The following PITPNC1 variants were observed in gnomAD, a reference collection of about 807,000 sequenced individuals.
PITPNC1 encodes the protein phosphatidylinositol transfer protein cytoplasmic 1.
PITPNC1 carries 18 observed loss-of-function variants against 44.7 expected under a neutral mutation model. That is an observed-to-expected ratio of 0.40 (90% CI 0.28 to 0.60). PITPNC1 has a LOEUF of 0.60. PITPNC1 is among the 20% of genes least tolerant of loss of function. The pLI is 0.39. For synonymous variants in PITPNC1, 141 were observed against 149.6 expected (o/e 0.94, Z 0.42); for missense variants, 290 against 418.4 (o/e 0.69, Z 2.68).
At chr17:67,522,657 A>ATTTTTTTTTT in intron 1 of PITPNC1, among the ~76,000 whole-genome samples, 1 of 59,968 alleles carries the variant, frequency 1.7e-5, no homozygotes, top group South Asian at 5.6e-4. Flanking sequence ...TACCATTTTA[A>ATTTTTTTTTT]TCTTTTTTTT....
intron 6 of PITPNC1, among the ~76,000 whole-genome samples, chr17:67,633,250 C>A (rs1012258898): frequency 2.0e-5 from 3 of 152,176 alleles, no homozygotes; most frequent in African/African-American, 7.2e-5. Context: ...CGTCCTTGAG[C>A]CGTAACACGT....
chr17:67,554,385 G>GAC (rs2040807985), intron 4 of PITPNC1, among the ~76,000 whole-genome samples: 5 of 149,902 alleles, frequency 3.3e-5, no homozygotes, highest in African/African-American at 1.2e-4. Context: ...AGCCTCCCAA[G>GAC]TAGCTGGGAT....
chr17:67,402,655 A>G (rs2038335559), intron 1 of PITPNC1, among the ~76,000 whole-genome samples: 2 of 152,128 alleles, frequency 1.3e-5, no homozygotes, highest in African/African-American at 4.8e-5. Context: ...GTTTGACCAC[A>G]TGTTTTTATT....
chr17:67,530,240 G>A (rs113374034), intron 1 of PITPNC1, among the ~76,000 whole-genome samples: 22 of 151,642 alleles, frequency 1.5e-4, no homozygotes, highest in Admixed American at 5.9e-4. Context: ...ACAGGCACCC[G>A]CCACCACACC....
intron 3 of PITPNC1, among the ~76,000 whole-genome samples, chr17:67,552,774 C>T (rs544035780): frequency 1.4e-4 from 21 of 145,184 alleles, no homozygotes; most frequent in African/African-American, 2.1e-4. Context: ...TGCCACTGCA[C>T]GCCAGCCTGG....
At chr17:67,547,663 T>C (rs532262330) in intron 2 of PITPNC1, among the ~76,000 whole-genome samples, 162 of 152,238 alleles carry the variant, frequency 1.1e-3, no homozygotes, top group Admixed American at 3.7e-3. Context: ...TGAGCATACA[T>C]TGCAATGTGA....
rs1160190460 is a variant in PITPNC1, at chr17:67,480,147, G to A, written c.49-52655G>A. Among the ~76,000 whole-genome samples, 3 of 152,138 alleles carry A rather than the reference G, an allele frequency of 2.0e-5. No homozygotes were observed. The East Asian group carries it at 5.8e-4, about 29-fold the overall frequency. On this transcript the variant is annotated intron_variant, in intron 1 of 8. Transcript: ENST00000581322. ...GGTCTGCCTGATACCACTGCTTAGG[G>A]AGTCATTGACCCATCCTGTTGCTGA...
At chr17:67,641,600 C>T (rs1049826987) in intron 6 of PITPNC1, among the ~76,000 whole-genome samples, 1 of 151,884 alleles carries the variant, frequency 6.6e-6, no homozygotes, top group Non-Finnish European at 1.5e-5. Flanking sequence ...AGTTCCAGAC[C>T]CACCTAGGCA....
chr17:67,456,720 G>C (rs1461026832), intron 1 of PITPNC1, among the ~76,000 whole-genome samples: 3 of 151,180 alleles, frequency 2.0e-5, no homozygotes, highest in Non-Finnish European at 4.4e-5. Context: ...TTGTTGTTTT[G>C]TGCAGCCCAA....
At chr17:67,486,487 T>G (rs900159059) in intron 1 of PITPNC1, among the ~76,000 whole-genome samples, 1 of 152,160 alleles carries the variant, frequency 6.6e-6, no homozygotes, top group African/African-American at 2.4e-5. Context: ...ATGGCATTGA[T>G]CGGAGATGGT....
intron 1 of PITPNC1, among the ~76,000 whole-genome samples, chr17:67,530,879 G>A (rs974792786): frequency 1.2e-4 from 19 of 152,108 alleles, no homozygotes; most frequent in African/African-American, 3.1e-4. Flanking sequence ...TAGCCTTTAC[G>A]AGCAAAAGTC....
At chr17:67,512,325 C>T (rs1303795368) in intron 1 of PITPNC1, among the ~76,000 whole-genome samples, 1 of 152,078 alleles carries the variant, frequency 6.6e-6, no homozygotes, top group African/African-American at 2.4e-5. Context: ...CAGGGTGAAA[C>T]CCCGTCTCTA....
chr17:67,636,774 C>A (rs1292495779), intron 6 of PITPNC1, among the ~76,000 whole-genome samples: 1 of 152,102 alleles, frequency 6.6e-6, no homozygotes, highest in African/African-American at 2.4e-5. Context: ...GTAAACACAC[C>A]AGGGACTGGG....
At chr17:67,646,018 T>C (rs537680705) in intron 6 of PITPNC1, among the ~76,000 whole-genome samples, 1 of 152,104 alleles carries the variant, frequency 6.6e-6, no homozygotes, top group African/African-American at 2.4e-5. Flanking sequence ...CCAGCTACTC[T>C]GGAAGCTGAG....
intron 6 of PITPNC1, among the ~76,000 whole-genome samples, chr17:67,648,457 TATTAAGGTG>T (rs2042175479): frequency 6.6e-6 from 1 of 152,228 alleles, no homozygotes; most frequent in Non-Finnish European, 1.5e-5. Flanking sequence ...CTGTCTCATG[TATTAAGGTG>T]GGGTCCTCTC....
intron 2 of PITPNC1, among the ~76,000 whole-genome samples, chr17:67,549,112 C>T (rs979081714): frequency 3.3e-5 from 5 of 152,260 alleles, no homozygotes; most frequent in South Asian, 4.1e-4. Flanking sequence ...AAATACCTCT[C>T]GCGTCTGGCC....
intron 1 of PITPNC1, among the ~76,000 whole-genome samples, chr17:67,493,130 T>C (rs1416638974): frequency 6.6e-6 from 1 of 152,200 alleles, no homozygotes; most frequent in African/African-American, 2.4e-5. Context: ...AAATGGAGAA[T>C]CCAATGGTAG....
chr17:67,640,038 C>A (rs969474040), intron 6 of PITPNC1, among the ~76,000 whole-genome samples: 1 of 151,876 alleles, frequency 6.6e-6, no homozygotes, highest in Non-Finnish European at 1.5e-5. Context: ...TGCCTCATGC[C>A]GGGGTACATC....
At chr17:67,691,016 T>C (rs1357471468) in intron 8 of PITPNC1, among the ~76,000 whole-genome samples, 1 of 152,016 alleles carries the variant, frequency 6.6e-6, no homozygotes, top group Non-Finnish European at 1.5e-5. Context: ...GGCAGGAGAA[T>C]TACTTGAACC....
Sources: gnomAD v4.1 joint callset for allele counts (sites outside exome capture counted in the v4.1 genomes callset) on GRCh38, gnomAD v4.1.1 for gene constraint, MANE v1.5 for transcripts, NCBI Gene and HGNC (gene_info 2026-07-23, HGNC 2026-07-21) for gene names.